SETD2: variants seen among roughly 807,000 people sequenced by gnomAD.
The protein encoded by SETD2 is SET domain containing 2, histone lysine methyltransferase, also known as histone-lysine N-methyltransferase SETD2.
A neutral mutation model predicts 242.1 loss-of-function variants in SETD2; 31 were observed. The observed-to-expected ratio is 0.13, with a 90% confidence interval of 0.10 to 0.17. SETD2 has a LOEUF of 0.17. Among genes scored for constraint, SETD2 ranks in the 10% least tolerant of loss-of-function variants. The probability of loss-of-function intolerance (pLI) is 1.00; values close to 1 mark genes in which losing one functional copy is unlikely to be tolerated. For missense variants in SETD2, 2,481 were observed against 3,046.3 expected, an observed-to-expected ratio of 0.81 and a Z score of 4.37; for synonymous variants, 1,006 against 1,066.5, an observed-to-expected ratio of 0.94 and a Z score of 1.11.
chr3:47,104,522 A>C (rs1196506607), intron 6 of SETD2, among the ~76,000 whole-genome samples: 1 of 152,042 alleles, frequency 6.6e-6, no homozygotes, highest in Non-Finnish European at 1.5e-5. Flanking sequence ...GCTGGGCAAC[A>C]GAGCAAGACC....
At chr3:47,103,456 A>G in intron 6 of SETD2, 33 bp from the exon 7 acceptor site, 1 of 1,385,532 alleles carries the variant, frequency 7.2e-7, no homozygotes, top group Non-Finnish European at 1.0e-6. Flanking sequence ...GAATTAAAAA[A>G]TAATACCTTA....
chr3:47,126,587 T>G (rs1017974173), intron 2 of SETD2, 61 bp downstream of exon 2: 7 of 847,350 alleles, frequency 8.3e-6, no homozygotes, highest in Non-Finnish European at 1.3e-5. Flanking sequence ...TTACCCAATT[T>G]CTAAAATGTG....
chr3:47,162,193 G>C (rs762796069), intron 1 of SETD2, among the ~76,000 whole-genome samples: 1 of 152,176 alleles, frequency 6.6e-6, no homozygotes, highest in Admixed American at 6.5e-5. Flanking sequence ...GTAAAAGGAA[G>C]TGAAAGCAGG....
intron 15 of SETD2, among the ~76,000 whole-genome samples, chr3:47,049,493 C>G (rs1189619961): frequency 1.4e-5 from 2 of 146,816 alleles, no homozygotes; most frequent in African/African-American, 2.5e-5. Context: ...CTGCCTCAGC[C>G]TCCCGAGTAG....
At chr3:47,078,166 C>T (rs931001071) in intron 12 of SETD2, among the ~76,000 whole-genome samples, 1 of 152,076 alleles carries the variant, frequency 6.6e-6, no homozygotes, top group African/African-American at 2.4e-5. Context: ...CAAAGTTGCT[C>T]ATATGTGATG....
intron 17 of SETD2, 63 bp downstream of exon 17, chr3:47,042,498 A>C (rs1263290968): frequency 1.3e-6 from 2 of 1,560,298 alleles, no homozygotes; most frequent in Admixed American, 1.7e-5. Flanking sequence ...AACTCCCCTT[A>C]TAGTGGCAAC....
chr3:47,040,027 A>G (rs1214524385), intron 17 of SETD2, among the ~76,000 whole-genome samples: 2 of 151,698 alleles, frequency 1.3e-5, no homozygotes, highest in Non-Finnish European at 2.9e-5. Flanking sequence ...CCCAGGCTGG[A>G]GTGCAGTAGC....
intron 5 of SETD2, among the ~76,000 whole-genome samples, chr3:47,108,021 G>A (rs999521604): frequency 6.6e-6 from 1 of 152,058 alleles, no homozygotes; most frequent in African/African-American, 2.4e-5. Context: ...GCTCAAGTCT[G>A]TAATTCCAGC....
At position 47,049,374 on chromosome 3, in the gene SETD2, C is replaced by CTT. The variant is rs1166711209; in HGVS notation, c.6964-2755_6964-2754dup. 4.1e-3 allele frequency among the ~76,000 whole-genome samples: 398 copies of CTT among 96,954 alleles called. 34 individuals carry two copies. The highest frequency in any genetic ancestry group is 8.8e-3 in the Middle Eastern group (1 of 114). 63.6% of individuals were successfully genotyped at this position (96,954 alleles called of 152,430 possible). A position where few individuals can be genotyped will look rare whatever the true frequency, so the allele number is the denominator to read the frequency against. On this transcript the variant is annotated intron_variant, in intron 15 of 20. Transcript: ENST00000409792. ...GTATTCTTATATATATAAACTTATT[C>CTT]TTTTTTTTTTTTTTTTGAGACAGAG...
chr3:47,123,548 A>G lies in SETD2; in HGVS notation c.1088T>C (p.Leu363Pro). Residue 363 changes from leucine (L) to proline (P), a missense_variant, in exon 3 of 21, where the codon CTA (leucine) becomes CCA (proline). This residue lies in a region of SETD2 where 38 missense variants were observed against 61.0 expected (regional missense o/e 0.62). Coordinates refer to ENST00000409792, the MANE Select transcript of SETD2 (RefSeq NM_014159.7). ...KSSAPLKSED[L>P]GKPSRSKTDR... ...TGTTTTAGATCGTGAAGGTTTCCCT[A>G]GATCCTCACTTTTTAAAGGTGCTGA... 6.4e-7 allele frequency: 1 copy of G among 1,550,546 alleles called. No homozygotes were observed.
chr3:47,136,154 G>GTAA (rs2043585760), intron 1 of SETD2, among the ~76,000 whole-genome samples: 1 of 152,154 alleles, frequency 6.6e-6, no homozygotes, highest in Admixed American at 6.5e-5. Context: ...TCCTATGACA[G>GTAA]TAATACTACC....
chr3:47,082,548 T>C lies in SETD2; in HGVS notation c.6060+1172A>G, dbSNP rs535328108. ...GCAATTCTGATTCCTGCAGTTCACA[T>C]ACTGACTTCATAAGTAAATTTACTA... is the stretch of plus-strand genomic sequence containing the variant. On this transcript the variant is annotated intron_variant, in intron 12 of 20. Transcript: ENST00000409792. 5.3e-5 allele frequency among the ~76,000 whole-genome samples: 8 copies of C among 152,336 alleles called. No individual in the cohort carries two copies. The South Asian group carries it at 1.7e-3, about 32-fold the overall frequency.
chr3:47,101,629 TGTGTGC>T, intron 7 of SETD2, 74 bp from the exon 8 acceptor site: 1 of 806,680 alleles, frequency 1.2e-6, no homozygotes, highest in South Asian at 1.6e-5. Context: ...TGTGTGTGTG[TGTGTGC>T]GCATATATAA....
intron 1 of SETD2, among the ~76,000 whole-genome samples, chr3:47,147,323 A>ATTTT (rs538113130): frequency 7.9e-6 from 1 of 126,178 alleles, no homozygotes; most frequent in Non-Finnish European, 1.6e-5. Context: ...ACTGCATGTC[A>ATTTT]TTTTTTTTTT....
At chr3:47,102,605 A>C (rs2042257919) in intron 7 of SETD2, among the ~76,000 whole-genome samples, 1 of 152,178 alleles carries the variant, frequency 6.6e-6, no homozygotes, top group African/African-American at 2.4e-5. Flanking sequence ...AGCCTGGCCA[A>C]CATGGCAAAA....
intron 2 of SETD2, 140 bp from the exon 3 acceptor site, chr3:47,124,688 T>C (rs1375665933): frequency 5.8e-6 from 4 of 685,480 alleles, no homozygotes; most frequent in Non-Finnish European, 9.0e-6. Context: ...GCTATATATA[T>C]CTTTATTATG....
intron 1 of SETD2, among the ~76,000 whole-genome samples, chr3:47,151,708 T>G (rs1394627755): frequency 6.6e-6 from 1 of 151,088 alleles, no homozygotes; most frequent in East Asian, 1.9e-4. Context: ...GCGCCTGTAA[T>G]CCCACCTACT....
chr3:47,026,391 T>TGCG (rs752538102), intron 18 of SETD2, among the ~76,000 whole-genome samples: 1 of 152,192 alleles, frequency 6.6e-6, no homozygotes, highest in Non-Finnish European at 1.5e-5. Context: ...TGGAAGACAG[T>TGCG]GCGGCAATTC....
intron 1 of SETD2, among the ~76,000 whole-genome samples, chr3:47,137,873 G>A (rs1575835912): frequency 6.6e-6 from 1 of 151,988 alleles, no homozygotes; most frequent in South Asian, 2.1e-4. Flanking sequence ...TTTTTTAGTA[G>A]AGATGGGGTT....
Sources: gnomAD v4.1 joint callset for allele counts (sites outside exome capture counted in the v4.1 genomes callset) on GRCh38, gnomAD v4.1.1 for gene constraint, gnomAD v4.1.1 regional missense constraint, MANE v1.5 for transcripts, NCBI Gene and HGNC (gene_info 2026-07-23, HGNC 2026-07-21) for gene names.